The following DSE variants were observed in gnomAD, a reference collection of about 807,000 sequenced individuals.
DSE encodes the protein dermatan-sulfate epimerase.
In DSE, 36 loss-of-function variants were observed where a neutral mutation model predicts 84.4. That is an observed-to-expected ratio of 0.43 (90% confidence interval 0.33 to 0.56). The LOEUF is 0.56. Among genes scored for constraint, DSE ranks in the 20% least tolerant of loss-of-function variants. The pLI, the probability that DSE is intolerant of heterozygous loss-of-function variation, is 0.06. For synonymous variants in DSE, 410 were observed against 430.1 expected, an observed-to-expected ratio of 0.95 and a Z score of 0.58; for missense variants, 862 against 1,169.6, an observed-to-expected ratio of 0.74 and a Z score of 3.84.
At chr6:116,386,327 G>C (rs1780575754) in intron 1 of DSE, among the ~76,000 whole-genome samples, 1 of 152,236 alleles carries the variant, frequency 6.6e-6, no homozygotes, top group Non-Finnish European at 1.5e-5. Flanking sequence ...TATGGATGGG[G>C]AAGCAGTCCC....
intron 2 of DSE, among the ~76,000 whole-genome samples, chr6:116,290,976 T>C (rs749228098): frequency 6.6e-5 from 10 of 152,184 alleles, no homozygotes; most frequent in Non-Finnish European, 1.3e-4. Context: ...TGCAATGTCA[T>C]CTGTAGCACA....
chr6:116,325,233 C>A (rs1776551069), intron 2 of DSE, among the ~76,000 whole-genome samples: 1 of 152,158 alleles, frequency 6.6e-6, no homozygotes, highest in Non-Finnish European at 1.5e-5. Context: ...TCATGGTTGC[C>A]TAAATTTTCT....
chr6:116,352,376 G>C (rs1045477058), intron 2 of DSE, among the ~76,000 whole-genome samples: 4 of 152,018 alleles, frequency 2.6e-5, no homozygotes, highest in Non-Finnish European at 5.9e-5. Context: ...TGATCACAAG[G>C]GTTCTCCAAA....
intron 2 of DSE, among the ~76,000 whole-genome samples, chr6:116,347,208 A>G (rs1185944449): frequency 6.6e-6 from 1 of 152,234 alleles, no homozygotes; most frequent in African/African-American, 2.4e-5. Flanking sequence ...GGTAATTTAT[A>G]GATTCAGTGC....
intron 2 of DSE, among the ~76,000 whole-genome samples, chr6:116,420,580 GC>G (rs1465719607): frequency 6.6e-6 from 1 of 152,178 alleles, no homozygotes; most frequent in Non-Finnish European, 1.5e-5. Context: ...CAGACCTTCA[GC>G]TTCCAGAACT....
intron 2 of DSE, among the ~76,000 whole-genome samples, chr6:116,356,955 GCCT>G (rs1189019539): frequency 6.6e-6 from 1 of 152,152 alleles, no homozygotes; most frequent in Non-Finnish European, 1.5e-5. Flanking sequence ...TTAAGCAGAT[GCCT>G]CCTCTTTTCA....
At chr6:116,323,011 A>G (rs929621595) in intron 2 of DSE, among the ~76,000 whole-genome samples, 14 of 152,184 alleles carry the variant, frequency 9.2e-5, no homozygotes, top group African/African-American at 3.4e-4. Context: ...AGGGAGCATA[A>G]GGGTCTTCCA....
intron 2 of DSE, among the ~76,000 whole-genome samples, chr6:116,346,261 T>A (rs1261535937): frequency 6.6e-6 from 1 of 152,170 alleles, no homozygotes; most frequent in Non-Finnish European, 1.5e-5. Context: ...CCTCCCTAAC[T>A]CATTTTATGA....
intron 2 of DSE, among the ~76,000 whole-genome samples, chr6:116,411,261 GA>G (rs1370278613): frequency 1.3e-5 from 2 of 152,146 alleles, no homozygotes; most frequent in Admixed American, 6.5e-5. Flanking sequence ...GTTGATGATA[GA>G]AAAATGCAGA....
chr6:116,363,531 G>A (rs989807134), intron 2 of DSE, among the ~76,000 whole-genome samples: 1 of 152,046 alleles, frequency 6.6e-6, no homozygotes, highest in East Asian at 1.9e-4. Flanking sequence ...GCAATAAAAA[G>A]ATGGAAATTT....
At chr6:116,303,968 T>C (rs1270643060) in intron 2 of DSE, among the ~76,000 whole-genome samples, 1 of 151,572 alleles carries the variant, frequency 6.6e-6, no homozygotes, top group African/African-American at 2.4e-5. Flanking sequence ...ACCCCGTCTG[T>C]ACTAAAAATA....
chr6:116,359,621 A>G (rs952397323), intron 2 of DSE, among the ~76,000 whole-genome samples: 2 of 152,236 alleles, frequency 1.3e-5, no homozygotes, highest in Non-Finnish European at 2.9e-5. Flanking sequence ...ATCAGGGATA[A>G]ATAAAAGTTA....
intron 1 of DSE, among the ~76,000 whole-genome samples, chr6:116,378,434 G>A (rs1167218397): frequency 6.6e-6 from 1 of 152,068 alleles, no homozygotes; most frequent in Non-Finnish European, 1.5e-5. Context: ...CATAGAAGAT[G>A]CCTTTACATT....
chr6:116,312,353 G>C (rs1775739795), intron 2 of DSE, among the ~76,000 whole-genome samples: 2 of 152,256 alleles, frequency 1.3e-5, no homozygotes, highest in African/African-American at 2.4e-5. Context: ...CAAGGGTTTA[G>C]AGGAAGATAA....
rs530285235 is a variant in DSE, at chr6:116,259,621, GA to G, written c.-54+655del. Among the ~76,000 whole-genome samples the G allele has an allele frequency of 1.3e-3, 192 of 152,238 alleles. 1 individual carries two copies. The highest frequency in any genetic ancestry group is 4.4e-3 in the African/African-American group (183 of 41,534). ...CCCAGATATTAAACTTAGTACCTAT[GA>G]GTTATTTTTCATTATCTTCTCCCTC... On this transcript the variant is annotated intron_variant, in intron 2 of 3. Coordinates refer to the DSE transcript ENST00000430252.
intron 1 of DSE, 139 bp from the exon 2 acceptor site, chr6:116,399,059 A>T: frequency 1.4e-6 from 1 of 693,750 alleles, no homozygotes; most frequent in Non-Finnish European, 2.3e-6. Context: ...CTTCCTAATT[A>T]AATTTTTTTG....
intron 2 of DSE, among the ~76,000 whole-genome samples, chr6:116,319,190 T>C (rs1321883201): frequency 6.6e-6 from 1 of 152,218 alleles, no homozygotes; most frequent in African/African-American, 2.4e-5. Flanking sequence ...GCTAATTACT[T>C]AGAGGATTTC....
intron 2 of DSE, among the ~76,000 whole-genome samples, chr6:116,324,615 T>C (rs1776518522): frequency 6.6e-6 from 1 of 152,184 alleles, no homozygotes; most frequent in South Asian, 2.1e-4. Flanking sequence ...GGGGTATATG[T>C]AAAATACAAA....
intron 1 of DSE, among the ~76,000 whole-genome samples, chr6:116,374,786 A>G (rs1053108680): frequency 2.0e-5 from 3 of 152,168 alleles, no homozygotes; most frequent in East Asian, 1.9e-4. Flanking sequence ...GTGATTACCC[A>G]TGAATCCATT....
Sources: allele counts gnomAD v4.1 joint callset (sites outside exome capture counted in the v4.1 genomes callset), GRCh38; gene constraint gnomAD v4.1.1; transcripts MANE v1.5; gene names NCBI Gene and HGNC (gene_info 2026-07-23, HGNC 2026-07-21).